The following PDE4D variants were observed in gnomAD, a reference collection of about 807,000 sequenced individuals.
PDE4D encodes the protein 3',5'-cyclic-AMP phosphodiesterase 4D.
PDE4D carries 24 observed loss-of-function variants against 87.4 expected under a neutral mutation model. The observed-to-expected ratio is 0.27, with a 90% CI of 0.20 to 0.39. PDE4D has a LOEUF of 0.39. PDE4D is among the 10% of genes least tolerant of loss of function. The pLI, the probability that PDE4D is intolerant of heterozygous loss-of-function variation, is 1.00. For missense variants in PDE4D, 714 were observed against 1,041.0 expected (o/e 0.69, Z 4.32); for synonymous variants, 384 against 383.2 (o/e 1.00, Z -0.02).
intron 1 of PDE4D, among the ~76,000 whole-genome samples, chr5:59,630,654 G>C (rs1831451071): frequency 6.6e-6 from 1 of 152,088 alleles, no homozygotes; most frequent in Non-Finnish European, 1.5e-5. Context: ...TCTAAATATG[G>C]CCTGACTCTA....
intron 1 of PDE4D, among the ~76,000 whole-genome samples, chr5:60,308,259 T>G (rs928643082): frequency 1.3e-5 from 2 of 152,228 alleles, no homozygotes; most frequent in East Asian, 3.8e-4. Flanking sequence ...TCAAATTCTA[T>G]TATGTTTGAC....
intron 3 of PDE4D, among the ~76,000 whole-genome samples, chr5:59,187,033 C>T (rs912109504): frequency 1.3e-5 from 2 of 152,128 alleles, no homozygotes; most frequent in African/African-American, 2.4e-5. Context: ...GATCCCCTTC[C>T]TAGGCAAAAT....
chr5:60,194,130 T>G (rs910464342), intron 1 of PDE4D, among the ~76,000 whole-genome samples: 2 of 151,614 alleles, frequency 1.3e-5, no homozygotes, highest in Non-Finnish European at 3.0e-5. Flanking sequence ...CTCTTCAAAA[T>G]CAAGCTATTT....
At chr5:59,033,700 A>T (rs1757998518) in intron 6 of PDE4D, among the ~76,000 whole-genome samples, 1 of 152,216 alleles carries the variant, frequency 6.6e-6, no homozygotes, top group Admixed American at 6.5e-5. Context: ...TACCCATAAC[A>T]TTAGAAAAAA....
At chr5:58,999,363 C>T (rs1749948177) in intron 6 of PDE4D, 1 of 372,962 alleles carries the variant, frequency 2.7e-6, no homozygotes, top group Admixed American at 4.2e-5. Context: ...ACACGTATTT[C>T]TTCCTAGTTC....
chr5:60,433,729 T>C (rs1744543662), intron 1 of PDE4D, among the ~76,000 whole-genome samples: 1 of 152,244 alleles, frequency 6.6e-6, no homozygotes, highest in Non-Finnish European at 1.5e-5. Context: ...CATTATGGAA[T>C]ACTATGCAAC....
intron 1 of PDE4D, among the ~76,000 whole-genome samples, chr5:60,317,208 A>G (rs558027665): frequency 1.3e-5 from 2 of 152,248 alleles, no homozygotes; most frequent in African/African-American, 2.4e-5. Context: ...TTCCTGGTTT[A>G]GTCTTGGGAG....
At chr5:59,131,828 T>C (rs1159917926) in intron 5 of PDE4D, among the ~76,000 whole-genome samples, 1 of 152,162 alleles carries the variant, frequency 6.6e-6, no homozygotes, top group Non-Finnish European at 1.5e-5. Flanking sequence ...TTGGTAATTG[T>C]ATGTTGGGCC....
chr5:60,062,711 T>C (rs1213838267), intron 2 of PDE4D, among the ~76,000 whole-genome samples: 1 of 152,112 alleles, frequency 6.6e-6, no homozygotes, highest in African/African-American at 2.4e-5. Context: ...GTGGTACATA[T>C]ACACCATAGA....
chr5:59,414,292 T>C (rs572171523), intron 1 of PDE4D, among the ~76,000 whole-genome samples: 2 of 152,278 alleles, frequency 1.3e-5, no homozygotes, highest in East Asian at 1.9e-4. Flanking sequence ...AAGAAACAGA[T>C]CCACTTGGAC....
At chr5:59,850,556 G>A (rs1049480389) in intron 1 of PDE4D, among the ~76,000 whole-genome samples, 7 of 152,040 alleles carry the variant, frequency 4.6e-5, no homozygotes, top group African/African-American at 1.7e-4. Context: ...ATAGAGACGT[G>A]AAATTGCTTA....
chr5:59,481,775 GCTCTT>G (rs967797437), intron 1 of PDE4D, among the ~76,000 whole-genome samples: 1 of 151,560 alleles, frequency 6.6e-6, no homozygotes, highest in African/African-American at 2.4e-5. Context: ...TCATCATCTG[GCTCTT>G]CTCATTTCCC....
chr5:60,462,939 T>C (rs575871432), intron 1 of PDE4D, among the ~76,000 whole-genome samples: 10 of 152,336 alleles, frequency 6.6e-5, no homozygotes, highest in African/African-American at 2.4e-4. Context: ...CCAACTTCTG[T>C]AGTTTTCCTA....
intron 3 of PDE4D, among the ~76,000 whole-genome samples, chr5:59,930,489 C>G (rs1279165716): frequency 6.6e-6 from 1 of 152,200 alleles, no homozygotes; most frequent in South Asian, 2.1e-4. Context: ...AAGGAAAGGA[C>G]TCTTTCCTAA....
intron 2 of PDE4D, among the ~76,000 whole-genome samples, chr5:59,199,481 T>C (rs982286857): frequency 1.3e-5 from 2 of 152,184 alleles, no homozygotes; most frequent in Non-Finnish European, 2.9e-5. Context: ...GTCAATAGGA[T>C]TAGGAAATTG....
At chr5:60,103,913 C>T (rs1199300936) in intron 2 of PDE4D, among the ~76,000 whole-genome samples, 2 of 152,128 alleles carry the variant, frequency 1.3e-5, no homozygotes, top group Non-Finnish European at 2.9e-5. Flanking sequence ...CTCCAGTCTA[C>T]AGCTCCCAGC....
intron 2 of PDE4D, among the ~76,000 whole-genome samples, chr5:60,013,726 C>T (rs929907626): frequency 1.3e-5 from 2 of 152,152 alleles, no homozygotes; most frequent in African/African-American, 4.8e-5. Flanking sequence ...TAGTTTCTCC[C>T]ATGTTGATCC....
chr5:59,201,728 T>A (rs1227946219), intron 2 of PDE4D, among the ~76,000 whole-genome samples: 1 of 152,170 alleles, frequency 6.6e-6, no homozygotes, highest in Non-Finnish European at 1.5e-5. Context: ...CCTAATATAA[T>A]AAAGCCAACT....
At chr5:59,616,419 A>T (rs983281407) in intron 1 of PDE4D, among the ~76,000 whole-genome samples, 6 of 152,134 alleles carry the variant, frequency 3.9e-5, no homozygotes, top group Admixed American at 3.3e-4. Flanking sequence ...TATTTTGAAA[A>T]TGAGCCAAAT....
Sources: allele counts gnomAD v4.1 joint callset (sites outside exome capture counted in the v4.1 genomes callset), GRCh38; gene constraint gnomAD v4.1.1; transcripts MANE v1.5; gene names NCBI Gene and HGNC (gene_info 2026-07-23, HGNC 2026-07-21).